HHLA1: variants seen among roughly 807,000 people sequenced by gnomAD.
HHLA1 encodes the protein HHLA1 neighbor of OC90, also known as HERV-H LTR-associating protein 1.
HHLA1 carries 72 observed loss-of-function variants against 69.9 expected under a neutral mutation model. That is an observed-to-expected ratio of 1.03 (90% CI 0.85 to 1.25). The LOEUF (loss-of-function observed/expected upper bound fraction) is 1.25, where lower values mean the gene tolerates loss of function less well. HHLA1 is among the 50% of genes most tolerant of loss of function. The probability of loss-of-function intolerance (pLI) is 0.00; values close to 1 mark genes in which losing one functional copy is unlikely to be tolerated. For synonymous variants in HHLA1, 252 were observed against 233.2 expected (o/e 1.08, Z -0.73); for missense variants, 685 against 642.2 (o/e 1.07, Z -0.72).
rs954891148 is a variant in HHLA1, at chr8:132,084,952, G to T, written c.676+2701C>A. On this transcript the variant is annotated intron_variant, in intron 10 of 16. Transcript: ENST00000414222. ...AAGGGGTTGAGGGGTACTTGCCCCT[G>T]CCCCAGGAAAGTGGGATGTGCCGCT... Among the ~76,000 whole-genome samples, 60 of 151,748 alleles carry T rather than the reference G, an allele frequency of 4.0e-4. 1 individual carries two copies. The highest frequency in any genetic ancestry group is 1.0e-4 in the Non-Finnish European group (7 of 67,932).
rs1586729067 is a variant in HHLA1, at chr8:132,083,817, A to T, written c.676+3836T>A. 2.0e-5 allele frequency among the ~76,000 whole-genome samples: 3 copies of T among 152,030 alleles called. 1 individual carries two copies. The highest frequency in any genetic ancestry group is 7.2e-5 in the African/African-American group (3 of 41,550). On this transcript the variant is annotated intron_variant, in intron 10 of 16. Transcript: ENST00000414222. ...GTTTGTCTCACAGTGGAGGCAAGGA[A>T]TTGCAACTTTTTTCTATTATTGTAC... is the stretch of plus-strand genomic sequence containing the variant.
chr8:132,066,403 T>C (rs1823440234), intron 15 of HHLA1, among the ~76,000 whole-genome samples: 1 of 152,224 alleles, frequency 6.6e-6, no homozygotes, highest in Non-Finnish European at 1.5e-5. Context: ...TGCTTATTTA[T>C]TTTAGTGGGA....
At chr8:132,090,991 C>T (rs373653851) in intron 7 of HHLA1, among the ~76,000 whole-genome samples, 4 of 152,256 alleles carry the variant, frequency 2.6e-5, no homozygotes, top group South Asian at 2.1e-4. Context: ...GATCTCCTGA[C>T]CTTGTGCTCC....
intron 16 of HHLA1, among the ~76,000 whole-genome samples, chr8:132,064,241 CAA>C (rs1157887430): frequency 6.6e-6 from 1 of 152,208 alleles, no homozygotes; most frequent in Non-Finnish European, 1.5e-5. Context: ...TAGTTAGCAT[CAA>C]AGTCTAGTGA....
intron 14 of HHLA1, among the ~76,000 whole-genome samples, chr8:132,072,248 T>C (rs186602527): frequency 6.6e-6 from 1 of 152,272 alleles, no homozygotes; most frequent in Non-Finnish European, 1.5e-5. Context: ...TCCAACTTGT[T>C]GGGATCTGCT....
intron 15 of HHLA1, among the ~76,000 whole-genome samples, chr8:132,067,899 C>A (rs2130874484): frequency 6.6e-6 from 1 of 152,272 alleles, no homozygotes; most frequent in African/African-American, 2.4e-5. Flanking sequence ...GTGGCAGAGA[C>A]TAAATTTAAA....
At chr8:132,099,308 G>A (rs1824077163) in intron 4 of HHLA1, among the ~76,000 whole-genome samples, 3 of 152,258 alleles carry the variant, frequency 2.0e-5, no homozygotes, top group Non-Finnish European at 4.4e-5. Context: ...GTTCTCAGCA[G>A]CTCTGTGTTT....
intron 15 of HHLA1, among the ~76,000 whole-genome samples, chr8:132,067,093 T>C (rs1315555408): frequency 6.6e-6 from 1 of 152,102 alleles, no homozygotes; most frequent in African/African-American, 2.4e-5. Context: ...ACAGAGAAAG[T>C]ACTGTGGCCA....
intron 8 of HHLA1, among the ~76,000 whole-genome samples, 168 bp downstream of exon 8, chr8:132,089,348 C>G (rs1216169096): frequency 6.6e-6 from 1 of 152,142 alleles, no homozygotes; most frequent in Admixed American, 6.5e-5. Flanking sequence ...GGTGCATTTA[C>G]TGGTGTGGAA....
At chr8:132,079,993 T>C (rs773956771) in intron 10 of HHLA1, 27 bp from the exon 11 acceptor site, 139 of 1,552,000 alleles carry the variant, frequency 9.0e-5, no homozygotes, top group Non-Finnish European at 1.2e-4. Context: ...AATGGTAACA[T>C]TAACATGCTT....
At chr8:132,099,422 C>T (rs56293643) in intron 4 of HHLA1, among the ~76,000 whole-genome samples, 10,541 of 152,254 alleles carry the variant, frequency 0.069, 391 homozygotes, top group Non-Finnish European at 0.083. Context: ...CAGTACCTGG[C>T]CTTCATCTTC....
chr8:132,081,353 A>G (rs1394271169), intron 10 of HHLA1, among the ~76,000 whole-genome samples: 1 of 152,206 alleles, frequency 6.6e-6, no homozygotes, highest in African/African-American at 2.4e-5. Flanking sequence ...TTCCGAGGAC[A>G]GGCCTGAATT....
intron 1 of HHLA1, among the ~76,000 whole-genome samples, 170 bp downstream of exon 1, chr8:132,110,932 C>T (rs189849494): frequency 3.9e-5 from 6 of 152,174 alleles, no homozygotes; most frequent in Non-Finnish European, 8.8e-5. Flanking sequence ...GGGATGGAGT[C>T]TTAGCTAAAT....
Position 132,065,981 on chromosome 8 carries a change from A to T in HHLA1, c.1470-13T>A, listed in dbSNP as rs757887718. 8.9e-5 allele frequency: 107 copies of T among 1,206,378 alleles called. 1 individual carries two copies. In the South Asian group the frequency reaches 1.1e-3, roughly 12 times the overall value. The allele number at this position is 1,206,378 out of a possible 1,614,324, so 74.7% of individuals were successfully genotyped here. A position where few individuals can be genotyped will look rare whatever the true frequency, so the allele number is the denominator to read the frequency against. On this transcript the variant is annotated splice_polypyrimidine_tract_variant and intron_variant, in intron 15 of 16. Transcript: ENST00000414222. ...TTCAAGACAGTATCTAAAGATTTAA[A>T]TCAGAGCAGGGAGCAATAACTATCC...
In HHLA1 at chr8:132,077,845, C is replaced by A. The variant is rs192941170; in HGVS notation, c.1052G>T (p.Arg351Leu). The A allele has an allele frequency of 2.5e-3, 3,818 of 1,551,442 alleles. 16 individuals are homozygous for A. Among genetic ancestry groups the A allele is most frequent in the Non-Finnish European group, 2.7e-3 (3,111 of 1,146,950 alleles). ...CCCTGCAGTAGTCGGTGGGGAAGAA[C>A]GAGTTTCCCAGAGAGACCCTCCAGG... is the stretch of plus-strand genomic sequence containing the variant. ...KKPGGSLWET[R>L]SSPPTTAGTE... Residue 351 changes from arginine to leucine, a missense_variant, in exon 12 of 17, where the codon CGT (arginine) becomes CTT (leucine). Arg to Leu is a moderately radical substitution (Grantham distance 102). Transcript: ENST00000414222.
At chr8:132,080,019 A>G (rs1397681176) in intron 10 of HHLA1, 53 bp from the exon 11 acceptor site, 1 of 1,549,666 alleles carries the variant, frequency 6.5e-7, no homozygotes, top group Admixed American at 2.0e-5. Flanking sequence ...TTTGGGCATA[A>G]AAAAACTGAA....
At position 132,085,943 on chromosome 8, in the gene HHLA1, G is replaced by A. The variant is rs190649600; in HGVS notation, c.676+1710C>T. ...TTCTTCAGTTACTTCAGGCCATCTG[G>A]GCGTATAGGTGCAAGTCACAGGGGT... On this transcript the variant is annotated intron_variant, in intron 10 of 16. Coordinates refer to ENST00000414222, the MANE Select transcript of HHLA1 (RefSeq NM_001145095.3). Among the ~76,000 whole-genome samples the A allele has an allele frequency of 6.1e-3, 924 of 152,188 alleles. 4 individuals carry two copies. The highest frequency in any genetic ancestry group is 0.021 in the African/African-American group (892 of 41,510).
chr8:132,070,172 A>G, intron 15 of HHLA1: 1 of 572,062 alleles, frequency 1.7e-6, no homozygotes, highest in Non-Finnish European at 3.1e-6. Flanking sequence ...ATTGGTATCC[A>G]GGCCACTGGA....
chr8:132,101,991 G>A (rs1412449044), intron 3 of HHLA1, among the ~76,000 whole-genome samples: 1 of 152,092 alleles, frequency 6.6e-6, no homozygotes, highest in Admixed American at 6.6e-5. Flanking sequence ...ATTGAACAAC[G>A]AACTTCCCAT....
Sources: gnomAD v4.1 joint callset for allele counts (sites outside exome capture counted in the v4.1 genomes callset) on GRCh38, gnomAD v4.1.1 for gene constraint, MANE v1.5 for transcripts, NCBI Gene and HGNC (gene_info 2026-07-23, HGNC 2026-07-21) for gene names.